Variants in PARD3B observed in about 807,000 individuals in gnomAD.
PARD3B encodes partitioning defective 3 homolog B.
In PARD3B, 103 loss-of-function variants were observed where a neutral mutation model predicts 130.2. That is an observed-to-expected ratio of 0.79 (90% CI 0.67 to 0.93). The LOEUF (loss-of-function observed/expected upper bound fraction) is 0.93. PARD3B is among the 40% of genes least tolerant of loss of function. The probability of loss-of-function intolerance (pLI) is 0.00; values close to 1 mark genes in which losing one functional copy is unlikely to be tolerated. For missense variants in PARD3B, 1,609 were observed against 1,499.2 expected (o/e 1.07, Z -1.21); for synonymous variants, 583 against 553.2 (o/e 1.05, Z -0.76).
chr2:204,941,517 A>G (rs1203534322), intron 2 of PARD3B, among the ~76,000 whole-genome samples: 1 of 152,242 alleles, frequency 6.6e-6, no homozygotes, highest in Non-Finnish European at 1.5e-5. Flanking sequence ...TAGACTTCCT[A>G]GCAGGATTAG....
At chr2:204,568,108 AAG>A (rs1477071612) in intron 1 of PARD3B, among the ~76,000 whole-genome samples, 2 of 152,234 alleles carry the variant, frequency 1.3e-5, no homozygotes, top group Admixed American at 6.5e-5. Context: ...AGACTTGAGA[AAG>A]AGTTTTGACT....
chr2:205,257,151 T>C (rs1379735407), intron 16 of PARD3B, among the ~76,000 whole-genome samples: 1 of 151,992 alleles, frequency 6.6e-6, no homozygotes, highest in Non-Finnish European at 1.5e-5. Context: ...AAGAGAAAAC[T>C]TAAAGGAACC....
rs187928296 is a variant in PARD3B, at chr2:205,221,929, A to G, written c.2141-23849A>G. Among the ~76,000 whole-genome samples the G allele has an allele frequency of 2.2e-3, 342 of 152,236 alleles. 1 individual carries two copies. The highest frequency in any genetic ancestry group is 7.8e-3 in the African/African-American group (324 of 41,528). Reference sequence around the variant, plus strand: ...TTATATGCTGGACACATAGAGGGGAACAACACACTCTGGGGCCTATTGGAG... The same window carrying G: ...TTATATGCTGGACACATAGAGGGGAGCAACACACTCTGGGGCCTATTGGAG... On this transcript the variant is annotated intron_variant, in intron 15 of 22. Transcript: ENST00000406610.
At chr2:205,047,819 G>C in intron 4 of PARD3B, 129 bp downstream of exon 4, 1 of 611,380 alleles carries the variant, frequency 1.6e-6, no homozygotes, top group Non-Finnish European at 2.8e-6. Context: ...TATAGTATTA[G>C]TTATACTAAT....
intron 1 of PARD3B, among the ~76,000 whole-genome samples, chr2:204,643,811 C>G (rs1256358463): frequency 1.3e-5 from 2 of 152,062 alleles, no homozygotes; most frequent in Non-Finnish European, 2.9e-5. Context: ...GACATATTCT[C>G]CAGAAAAAGT....
chr2:204,834,193 A>G (rs190774625), intron 2 of PARD3B, among the ~76,000 whole-genome samples: 28 of 152,004 alleles, frequency 1.8e-4, no homozygotes, highest in Admixed American at 9.2e-4. Context: ...GATTGTTTTT[A>G]TGTATTTATT....
chr2:204,834,641 G>C (rs1187570200), intron 2 of PARD3B, among the ~76,000 whole-genome samples: 29 of 152,130 alleles, frequency 1.9e-4, no homozygotes, highest in Non-Finnish European at 1.3e-4. Context: ...TGATTAAGAG[G>C]AATACAGTTC....
At chr2:204,853,527 G>A (rs538228475) in intron 2 of PARD3B, among the ~76,000 whole-genome samples, 3 of 149,802 alleles carry the variant, frequency 2.0e-5, no homozygotes, top group Admixed American at 6.6e-5. Context: ...TAAGTCAGAC[G>A]TAAGAAAGCT....
chr2:204,864,652 A>G (rs189860943), intron 2 of PARD3B, among the ~76,000 whole-genome samples: 2 of 152,288 alleles, frequency 1.3e-5, no homozygotes, highest in East Asian at 3.9e-4. Context: ...TCCTCCTGGC[A>G]TTCGTTACTA....
chr2:205,412,278 GAGTT>G (rs2046626225), intron 19 of PARD3B, among the ~76,000 whole-genome samples: 1 of 152,134 alleles, frequency 6.6e-6, no homozygotes, highest in Non-Finnish European at 1.5e-5. Flanking sequence ...CTCATATTGA[GAGTT>G]AGAGAGGCTG....
chr2:205,549,953 C>G (rs1041976778), intron 21 of PARD3B, among the ~76,000 whole-genome samples: 1 of 152,076 alleles, frequency 6.6e-6, no homozygotes, highest in Non-Finnish European at 1.5e-5. Context: ...AAACTAGTTT[C>G]TTTTTAAAAA....
intron 1 of PARD3B, among the ~76,000 whole-genome samples, chr2:204,653,803 A>G (rs569015064): frequency 3.1e-4 from 46 of 150,514 alleles, no homozygotes; most frequent in African/African-American, 1.1e-3. Context: ...AAAAAAAAAA[A>G]AAGAAGTTGA....
chr2:205,318,540 T>C (rs1295741851), intron 18 of PARD3B, among the ~76,000 whole-genome samples: 1 of 152,216 alleles, frequency 6.6e-6, no homozygotes, highest in African/African-American at 2.4e-5. Context: ...TACCTTTTCA[T>C]TTTAATTTTA....
intron 1 of PARD3B, among the ~76,000 whole-genome samples, chr2:204,618,331 A>G (rs147821575): frequency 3.3e-5 from 5 of 152,274 alleles, no homozygotes; most frequent in African/African-American, 9.6e-5. Flanking sequence ...TTGGAAACCC[A>G]TATCTGCCAT....
chr2:205,615,291 G>T (rs1347826361), intron 22 of PARD3B, among the ~76,000 whole-genome samples, 165 bp from the exon 23 acceptor site: 1 of 152,064 alleles, frequency 6.6e-6, no homozygotes, highest in Non-Finnish European at 1.5e-5. Context: ...AAGGGAAGAA[G>T]TTCCCTTCTC....
chr2:205,116,642 G>A lies in PARD3B; in HGVS notation c.681-2279G>A, dbSNP rs1403936463. On this transcript the variant is annotated intron_variant, in intron 6 of 22. Coordinates refer to ENST00000406610, the MANE Select transcript of PARD3B (RefSeq NM_001302769.2). This position sits in a 1 kb window ranked among gnomAD's most constrained non-coding sequence, Gnocchi z 4.5. ...AGCTACCACAGCCCACCAGTTCAGG[G>A]CAAAGAGGATAATGAGGTATTGTTT... Among the ~76,000 whole-genome samples, 1 of 152,132 alleles carries A rather than the reference G, an allele frequency of 6.6e-6. No individual in the cohort carries two copies. The highest frequency in any genetic ancestry group is 1.5e-5 in the Non-Finnish European group (1 of 68,018).
chr2:205,550,923 ATGTGTG>A lies in PARD3B; in HGVS notation c.3181-2387_3181-2382del, dbSNP rs372406832. 0.32 allele frequency among the ~76,000 whole-genome samples: 42,637 copies of A among 134,866 alleles called. 7,641 individuals carry two copies. Among genetic ancestry groups the A allele is most frequent in the East Asian group, 0.47 (2,222 of 4,736 alleles). 88.5% of individuals were successfully genotyped at this position (134,866 alleles called of 152,430 possible). On this transcript the variant is annotated intron_variant, in intron 21 of 22. Coordinates refer to ENST00000406610, the MANE Select transcript of PARD3B (RefSeq NM_001302769.2). The surrounding 1 kb of genome is among the most constrained non-coding windows in gnomAD (Gnocchi z 4.5). ...AATCATGTTATAAATACATATAATT[ATGTGTG>A]TGTGTGTGTGTGTATATATATATGT...
chr2:205,619,642 T>C lies in PARD3B; in HGVS notation c.*3829T>C, dbSNP rs1365518193. On this transcript the variant is annotated 3_prime_UTR_variant, in exon 23 of 23. Transcript: ENST00000406610. The stretch of plus-strand genomic sequence containing the variant: ...CTTAAGGTATCCCTACAAAGTCACC[T>C]TTCTGATAAAAAGGAGGGAAAAAAA... 1 of 152,160 alleles carries C rather than the reference T, an allele frequency of 6.6e-6. No homozygotes were observed. The highest frequency in any genetic ancestry group is 2.4e-5 in the African/African-American group (1 of 41,438). 9.4% of individuals were successfully genotyped at this position (152,160 alleles called of 1,614,324 possible). A position where few individuals can be genotyped will look rare whatever the true frequency, so the allele number is the denominator to read the frequency against.
chr2:205,567,962 G>T (rs142940852), intron 22 of PARD3B, among the ~76,000 whole-genome samples: 1 of 152,164 alleles, frequency 6.6e-6, no homozygotes, highest in East Asian at 1.9e-4. Flanking sequence ...CCACCTGGGG[G>T]CAAGCATGTT....
Sources: allele counts gnomAD v4.1 joint callset (sites outside exome capture counted in the v4.1 genomes callset), GRCh38; gene constraint gnomAD v4.1.1; non-coding constraint Gnocchi (gnomAD v3.1); transcripts MANE v1.5; gene names NCBI Gene and HGNC (gene_info 2026-07-23, HGNC 2026-07-21).